The following STK32A variants were observed in gnomAD, a reference collection of about 807,000 sequenced individuals.
STK32A encodes serine/threonine kinase 32A.
A neutral mutation model predicts 53.2 loss-of-function variants in STK32A; 41 were observed. The ratio of observed to expected loss-of-function variants is 0.77; its 90% CI spans 0.60 to 1.00. The LOEUF is 1.00. Ranked by LOEUF, STK32A falls within the 50% of genes least tolerant of loss-of-function variation. STK32A has a pLI of 0.00. For synonymous variants in STK32A, 166 were observed against 162.8 expected (o/e 1.02, Z -0.15); for missense variants, 458 against 485.8 (o/e 0.94, Z 0.54).
At chr5:147,330,086 C>T (rs1581101783) in intron 5 of STK32A, among the ~76,000 whole-genome samples, 1 of 152,232 alleles carries the variant, frequency 6.6e-6, no homozygotes, top group Admixed American at 6.5e-5. Context: ...AAGAACATAC[C>T]TTTATCAGCT....
intron 2 of STK32A, among the ~76,000 whole-genome samples, chr5:147,264,215 G>A (rs1016651496): frequency 1.3e-5 from 2 of 152,124 alleles, no homozygotes; most frequent in African/African-American, 2.4e-5. Context: ...AAGAAAGAAG[G>A]GGGCACTGCA....
chr5:147,279,087 T>A (rs1049029861), intron 3 of STK32A, among the ~76,000 whole-genome samples, 160 bp from the exon 4 acceptor site: 1 of 152,182 alleles, frequency 6.6e-6, no homozygotes, highest in Admixed American at 6.5e-5. Context: ...GAAAATGAAA[T>A]TTTTAATCTA....
intron 4 of STK32A, among the ~76,000 whole-genome samples, chr5:147,289,892 GA>G (rs1299977882): frequency 2.0e-5 from 3 of 151,962 alleles, no homozygotes; most frequent in Non-Finnish European, 2.9e-5. Flanking sequence ...ACTGAGCATC[GA>G]AAACAAGTTA....
At chr5:147,372,950 A>G (rs974698404) in intron 9 of STK32A, among the ~76,000 whole-genome samples, 7 of 152,108 alleles carry the variant, frequency 4.6e-5, no homozygotes. Context: ...GATATATTTG[A>G]CTTAGTAGGA....
At chr5:147,291,030 A>T (rs1271965040) in intron 4 of STK32A, among the ~76,000 whole-genome samples, 4 of 152,206 alleles carry the variant, frequency 2.6e-5, no homozygotes, top group Non-Finnish European at 5.9e-5. Flanking sequence ...TGGGTGAGGC[A>T]GCTAGTCAGG....
At chr5:147,260,539 G>C (rs969772000) in intron 2 of STK32A, among the ~76,000 whole-genome samples, 2 of 151,726 alleles carry the variant, frequency 1.3e-5, no homozygotes, top group African/African-American at 4.9e-5. Context: ...GGGATGTCTC[G>C]CCTTGCCTGT....
rs570814558 is a variant in STK32A, at chr5:147,373,252, T to G, written c.861T>G (p.Asp287Glu). The G allele has an allele frequency of 6.2e-7, 1 of 1,613,420 alleles. No homozygotes were observed. Among genetic ancestry groups the G allele is most frequent in the South Asian group, 1.1e-5 (1 of 91,078 alleles). The change falls in exon 10 of 13, where the codon GAT becomes GAG. Residue 287 changes from aspartate to glutamate, a missense_variant. Asp to Glu is a conservative substitution (Grantham distance 45). Transcript: ENST00000397936. Reference sequence around the variant, plus strand: ...CGTATATGAATGATATAAACTGGGATGCAGTTTTTCAGAAGAGGCTCATTC... The same window carrying G: ...CGTATATGAATGATATAAACTGGGAGGCAGTTTTTCAGAAGAGGCTCATTC... ...NFPYMNDINW[D>E]AVFQKRLIPG...
intron 8 of STK32A, among the ~76,000 whole-genome samples, chr5:147,363,330 G>T (rs1030103573): frequency 1.4e-5 from 2 of 139,960 alleles, no homozygotes; most frequent in Non-Finnish European, 3.0e-5. Flanking sequence ...ATCTACACAG[G>T]CATGGGAGCA....
chr5:147,271,721 A>G (rs1034029634), intron 2 of STK32A, among the ~76,000 whole-genome samples: 2 of 152,134 alleles, frequency 1.3e-5, no homozygotes, highest in African/African-American at 4.8e-5. Context: ...CCAGTCTCCC[A>G]TAGTGCTCCC....
At chr5:147,355,811 T>A (rs545253993) in intron 7 of STK32A, among the ~76,000 whole-genome samples, 26 of 148,282 alleles carry the variant, frequency 1.8e-4, no homozygotes, top group South Asian at 1.3e-3. Context: ...TATATATATA[T>A]AAATAAGTTC....
chr5:147,258,498 T>C (rs953768259), intron 2 of STK32A, among the ~76,000 whole-genome samples: 28 of 152,250 alleles, frequency 1.8e-4, no homozygotes, highest in Non-Finnish European at 3.8e-4. Context: ...ACTTTTAAAT[T>C]ATACAACATT....
At chr5:147,400,792 C>A in the STK32A span, 2 of 1,614,164 alleles carry the variant, frequency 1.2e-6, no homozygotes, top group Non-Finnish European at 1.7e-6. Flanking sequence ...CTGGGCAGTG[C>A]TGAAGGTGCA....
chr5:147,281,412 C>A (rs967820246), intron 4 of STK32A, among the ~76,000 whole-genome samples: 5 of 151,972 alleles, frequency 3.3e-5, no homozygotes, highest in Admixed American at 6.6e-5. Flanking sequence ...AAAGAAAAAA[C>A]AATACAAAAT....
chr5:147,236,184 T>C (rs1297925569), intron 1 of STK32A, among the ~76,000 whole-genome samples: 2 of 152,136 alleles, frequency 1.3e-5, no homozygotes, highest in African/African-American at 4.8e-5. Context: ...AACCCCCAAA[T>C]TACAGGCCAA....
intron 2 of STK32A, among the ~76,000 whole-genome samples, chr5:147,274,806 T>C (rs1755182321): frequency 6.6e-6 from 1 of 152,172 alleles, no homozygotes; most frequent in African/African-American, 2.4e-5. Flanking sequence ...GACGTAAATT[T>C]CCAAGATTAC....
At chr5:147,336,952 G>T (rs575724259) in intron 5 of STK32A, among the ~76,000 whole-genome samples, 1 of 152,182 alleles carries the variant, frequency 6.6e-6, no homozygotes, top group African/African-American at 2.4e-5. Flanking sequence ...GTTGATTTTG[G>T]TTTCGATATA....
Position 147,384,194 on chromosome 5 carries a change from G to C in STK32A, c.*211G>C. 1.4e-6 allele frequency: 2 copies of C among 1,418,592 alleles called. No homozygotes were observed. The highest frequency in any genetic ancestry group is 1.8e-6 in the Non-Finnish European group (2 of 1,096,048). 87.9% of individuals were successfully genotyped at this position (1,418,592 alleles called of 1,614,324 possible). ...TCACATCAATCAACTGTGTGATCTA[G>C]AGCAAGTCACTTAGCCACTTTCTGT... On this transcript the variant is annotated 3_prime_UTR_variant, in exon 13 of 13. Transcript: ENST00000397936.
the STK32A span, chr5:147,397,803 C>A: frequency 1.1e-4 from 180 of 1,613,786 alleles, no homozygotes; most frequent in East Asian, 3.2e-3. Flanking sequence ...ACCAGAGGAG[C>A]CCCGCGCAGC....
At chr5:147,399,681 C>T in the STK32A span, among the ~76,000 whole-genome samples, 3 of 152,116 alleles carry the variant, frequency 2.0e-5, no homozygotes. Flanking sequence ...ACAATGGGTT[C>T]CCTGGGTTGT....
Sources: allele counts gnomAD v4.1 joint callset (sites outside exome capture counted in the v4.1 genomes callset), GRCh38; gene constraint gnomAD v4.1.1; transcripts MANE v1.5; gene names NCBI Gene and HGNC (gene_info 2026-07-23, HGNC 2026-07-21).